Variants in ATP11B observed in about 807,000 individuals in gnomAD.
ATP11B encodes the protein ATPase phospholipid transporting 11B (putative).
A neutral mutation model predicts 157.8 loss-of-function variants in ATP11B; 81 were observed. That is an observed-to-expected ratio of 0.51 (90% CI 0.43 to 0.62). The LOEUF (loss-of-function observed/expected upper bound fraction) is 0.62. ATP11B is among the 20% of genes least tolerant of loss of function. ATP11B has a pLI of 0.00. For synonymous variants in ATP11B, 451 were observed against 469.4 expected (o/e 0.96, Z 0.51); for missense variants, 1,165 against 1,402.2 (o/e 0.83, Z 2.70).
At chr3:182,867,306 G>T (rs1200085949) in intron 14 of ATP11B, 70 bp from the exon 15 acceptor site, 1 of 894,918 alleles carries the variant, frequency 1.1e-6, no homozygotes, top group Non-Finnish European at 1.8e-6. Context: ...TTCAAGTTAA[G>T]CTATAGTGAC....
chr3:182,806,831 G>A (rs1716356000), intron 1 of ATP11B, among the ~76,000 whole-genome samples: 1 of 152,054 alleles, frequency 6.6e-6, no homozygotes, highest in Admixed American at 6.6e-5. Context: ...TTTCAAAGGT[G>A]GGAGCAAGCC....
rs532647992 is a variant in ATP11B at position 182,816,289 on chromosome 3, T to C, written c.28-3971T>C. On this transcript the variant is annotated intron_variant, in intron 1 of 29. Coordinates refer to ENST00000323116, the MANE Select transcript of ATP11B (RefSeq NM_014616.3). ...GCCAGGGTGGCTGGAATAGCATTGA[T>C]CTATCTCAGGTCCTTTGCCCAGGAC... Among the ~76,000 whole-genome samples the C allele has an allele frequency of 2.6e-5, 4 of 152,352 alleles. No homozygotes were observed. In the South Asian group the frequency reaches 8.3e-4, roughly 32 times the overall value.
intron 29 of ATP11B, chr3:182,915,419 T>C: frequency 1.0e-6 from 1 of 985,396 alleles, no homozygotes; most frequent in Non-Finnish European, 1.2e-6. Flanking sequence ...TTATAAAATG[T>C]GGCTCTGTCA....
At chr3:182,803,097 G>A (rs1183994308) in intron 1 of ATP11B, among the ~76,000 whole-genome samples, 1 of 151,854 alleles carries the variant, frequency 6.6e-6, no homozygotes, top group African/African-American at 2.4e-5. Flanking sequence ...TATTTATTTT[G>A]AAGTTAAATA....
intron 21 of ATP11B, among the ~76,000 whole-genome samples, chr3:182,883,124 T>C (rs1262935260): frequency 6.6e-6 from 1 of 152,190 alleles, no homozygotes; most frequent in Non-Finnish European, 1.5e-5. Context: ...GTATGCCTAT[T>C]GACATTGCAA....
chr3:182,870,700 G>A (rs552170544), intron 17 of ATP11B, among the ~76,000 whole-genome samples: 9 of 152,152 alleles, frequency 5.9e-5, no homozygotes, highest in South Asian at 4.1e-4. Context: ...AGGGCTGGGC[G>A]CGGTGGCTCA....
chr3:182,913,276 G>A (rs73883936), intron 28 of ATP11B, among the ~76,000 whole-genome samples: 1 of 152,190 alleles, frequency 6.6e-6, no homozygotes, highest in Admixed American at 6.5e-5. Flanking sequence ...TCAAAGATAA[G>A]TATGGAGTGG....
chr3:182,896,128 G>A (rs1336574446), intron 25 of ATP11B, among the ~76,000 whole-genome samples: 2 of 152,170 alleles, frequency 1.3e-5, no homozygotes, highest in Non-Finnish European at 2.9e-5. Context: ...TAATACCTTA[G>A]TAAGTTTTGG....
intron 10 of ATP11B, among the ~76,000 whole-genome samples, chr3:182,854,532 T>C (rs891943933): frequency 8.5e-5 from 13 of 152,066 alleles, no homozygotes; most frequent in African/African-American, 3.1e-4. Context: ...TAGAAAGATA[T>C]CTTTATGACT....
intron 9 of ATP11B, among the ~76,000 whole-genome samples, chr3:182,846,335 G>T (rs1344043886): frequency 6.6e-6 from 1 of 151,942 alleles, no homozygotes; most frequent in African/African-American, 2.4e-5. Flanking sequence ...GTGTTGGTGA[G>T]GATGTGGAGA....
intron 2 of ATP11B, among the ~76,000 whole-genome samples, chr3:182,821,205 G>A (rs1717321765): frequency 6.6e-6 from 1 of 152,034 alleles, no homozygotes; most frequent in South Asian, 2.1e-4. Context: ...TGCCTCTCGG[G>A]TTCAAGCCAT....
In ATP11B at chr3:182,918,046, T is replaced by C. The variant is rs1457202371; in HGVS notation, c.3476T>C (p.Phe1159Ser). The change falls in exon 30 of 30, where the codon TTC (phenylalanine) becomes TCC (serine). Residue 1159 changes from phenylalanine to serine, a missense_variant. By Grantham distance (155) the Phe-to-Ser change is radical. Transcript: ENST00000323116. ...AGATCATGGAGTGCATCGGATCCTT[T>C]CTATACCAACGACAGGAGCATCTTG... Reference protein sequence around the residue: ...ISRSWSASDPFYTNDRSILTL... With the variant: ...ISRSWSASDPSYTNDRSILTL... 6.2e-7 allele frequency: 1 copy of C among 1,613,320 alleles called. No homozygotes were observed. The highest frequency in any genetic ancestry group is 1.3e-5 in the African/African-American group (1 of 74,860).
intron 2 of ATP11B, among the ~76,000 whole-genome samples, chr3:182,822,267 C>T (rs531878959): frequency 6.6e-6 from 1 of 152,264 alleles, no homozygotes; most frequent in African/African-American, 2.4e-5. Flanking sequence ...ATCCCTCCCC[C>T]TGCCCCTACC....
chr3:182,905,397 C>T, intron 28 of ATP11B, among the ~76,000 whole-genome samples: 1 of 152,082 alleles, frequency 6.6e-6, no homozygotes, highest in East Asian at 1.9e-4. Flanking sequence ...TTTCTAAGGC[C>T]ATGAAGTCCA....
chr3:182,859,472 C>G, intron 12 of ATP11B, 113 bp downstream of exon 12: 2 of 880,182 alleles, frequency 2.3e-6, no homozygotes, highest in Admixed American at 6.9e-5. Flanking sequence ...AAACAACCCC[C>G]CTTTGCTCCA....
At chr3:182,794,253 GT>G (rs1481947951) in intron 1 of ATP11B, among the ~76,000 whole-genome samples, 8 of 152,276 alleles carry the variant, frequency 5.3e-5, no homozygotes, top group Non-Finnish European at 1.0e-4. Context: ...GCCCCCACTC[GT>G]CACGGACTTC....
intron 2 of ATP11B, among the ~76,000 whole-genome samples, chr3:182,822,827 A>G (rs1182203716): frequency 6.6e-6 from 1 of 152,038 alleles, no homozygotes; most frequent in African/African-American, 2.4e-5. Context: ...GTGTGAGATG[A>G]TATCTCATTG....
intron 10 of ATP11B, among the ~76,000 whole-genome samples, chr3:182,850,917 A>T (rs1453053503): frequency 6.6e-6 from 1 of 152,226 alleles, no homozygotes; most frequent in Non-Finnish European, 1.5e-5. Flanking sequence ...ATGGAATACT[A>T]TTTGGCCATA....
intron 22 of ATP11B, 147 bp from the exon 23 acceptor site, chr3:182,885,804 C>T (rs189514254): frequency 2.3e-5 from 11 of 468,990 alleles, no homozygotes; most frequent in Non-Finnish European, 3.7e-5. Context: ...TCCTGCATTC[C>T]TGTTATATAT....
Sources: gnomAD v4.1 joint callset for allele counts (sites outside exome capture counted in the v4.1 genomes callset) on GRCh38, gnomAD v4.1.1 for gene constraint, MANE v1.5 for transcripts, NCBI Gene and HGNC (gene_info 2026-07-23, HGNC 2026-07-21) for gene names.